The following ODAD3 variants were observed in gnomAD, a reference collection of about 807,000 sequenced individuals.
ODAD3 encodes outer dynein arm docking complex subunit 3.
Under a neutral mutation model 70.9 loss-of-function variants are expected in ODAD3, and 57 were observed. That is an observed-to-expected ratio of 0.80 (90% CI 0.65 to 1.00). The LOEUF (loss-of-function observed/expected upper bound fraction) is 1.00, where lower values mean the gene tolerates loss of function less well. ODAD3 is among the 50% of genes least tolerant of loss of function. ODAD3 has a pLI of 0.00. For synonymous variants in ODAD3, 327 were observed against 315.9 expected, an observed-to-expected ratio of 1.04 and a Z score of -0.37; for missense variants, 797 against 763.9, an observed-to-expected ratio of 1.04 and a Z score of -0.51.
intron 1 of ODAD3, 24 bp downstream of exon 1, chr19:11,434,749 C>G: frequency 1.3e-6 from 2 of 1,595,654 alleles, no homozygotes; most frequent in Non-Finnish European, 1.7e-6. Flanking sequence ...CCCTGACCCT[C>G]TGTACCCTCT....
intron 7 of ODAD3, among the ~76,000 whole-genome samples, chr19:11,425,646 T>G (rs1969348654): frequency 7.5e-6 from 1 of 133,602 alleles, no homozygotes; most frequent in Non-Finnish European, 1.5e-5. Flanking sequence ...TATATATGTA[T>G]ATACGTATAT....
chr19:11,424,126 A>C, intron 7 of ODAD3, 97 bp from the exon 8 acceptor site: 6 of 1,448,978 alleles, frequency 4.1e-6, no homozygotes, highest in Non-Finnish European at 4.7e-6. Flanking sequence ...CGCGAGGAAC[A>C]GGGCTCAAAC....
chr19:11,430,081 A>G (rs1969471863), intron 3 of ODAD3, among the ~76,000 whole-genome samples: 1 of 149,638 alleles, frequency 6.7e-6, no homozygotes, highest in Admixed American at 6.6e-5. Flanking sequence ...GCTTACTACA[A>G]CCTCTGCCTC....
rs1969255790 is a variant in ODAD3 at position 11,425,004 on chromosome 19, T to TAC, written c.964-976_964-975insGT. ...GTGTATATGTACATATGTGTATATG[T>TAC]ATATATGTGTATATATACATATGTG... On this transcript the variant is annotated intron_variant, in intron 7 of 12. Coordinates refer to ENST00000356392, the MANE Select transcript of ODAD3 (RefSeq NM_145045.5). Among the ~76,000 whole-genome samples the TAC allele has an allele frequency of 3.7e-4, 49 of 133,902 alleles. 2 individuals are homozygous for TAC. Among genetic ancestry groups the TAC allele is most frequent in the Non-Finnish European group, 6.0e-4 (39 of 65,398 alleles). 87.8% of individuals were successfully genotyped at this position (133,902 alleles called of 152,430 possible).
chr19:11,430,929 T>G lies in ODAD3; in HGVS notation c.336A>C (p.Ala112=). 1 of 1,614,066 alleles carries G rather than the reference T, an allele frequency of 6.2e-7. No homozygotes were observed. The highest frequency in any genetic ancestry group is 8.5e-7 in the Non-Finnish European group (1 of 1,180,016). ...TISQLRKETK[A]LELKLLDLLK... ...GCAGGTCCAGCAGCTTTAGTTCCAG[T>G]GCCTTAGTCTCCTTGCGGAGCTGAC... Residue 112 remains alanine, a synonymous_variant, in exon 2 of 13, where the codon GCA becomes GCC. Coordinates refer to ENST00000356392, the MANE Select transcript of ODAD3 (RefSeq NM_145045.5).
intron 8 of ODAD3, 31 bp downstream of exon 8, chr19:11,423,844 GGC>G: frequency 8.8e-7 from 1 of 1,134,084 alleles, no homozygotes; most frequent in Non-Finnish European, 1.3e-6. Flanking sequence ...GTGGGGGGGG[GGC>G]GCGGCGGAGA....
rs780554581 is a variant in ODAD3 at position 11,426,883 on chromosome 19, T to C, written c.602A>G (p.Glu201Gly). The C allele has an allele frequency of 6.2e-7, 1 of 1,609,156 alleles. No homozygotes were observed. Among genetic ancestry groups the C allele is most frequent in the Non-Finnish European group, 8.5e-7 (1 of 1,177,076 alleles). The change falls in exon 4 of 13, where the codon GAG (glutamate) becomes GGG (glycine). Residue 201 changes from glutamate (E) to glycine (G), a missense_variant. By Grantham distance (98) the Glu-to-Gly change is moderately conservative. Coordinates refer to ENST00000356392, the MANE Select transcript of ODAD3 (RefSeq NM_145045.5). ...CTCACCCGCCCCTACCTTGGCCACC[T>C]CCGTGTGTCTGTTTTGCGCCTCCGC... Reference protein sequence around the residue: ...EMAEAQNRHTEVAKTMRNLEN... With the variant: ...EMAEAQNRHTGVAKTMRNLEN...
At position 11,421,134 on chromosome 19, in the gene ODAD3, A is replaced by T; in HGVS notation, c.1669T>A (p.Phe557Ile). 1 of 1,613,112 alleles carries T rather than the reference A, an allele frequency of 6.2e-7. No homozygotes were observed. The highest frequency in any genetic ancestry group is 8.5e-7 in the Non-Finnish European group (1 of 1,179,742). ...TCCCCCCACCCATACTGACCAAAAA[A>T]CTTGTCCTTGGAAGTGGCAAGGGGC... is the stretch of plus-strand genomic sequence containing the variant. Reference protein sequence around the residue: ...ALPLATSKDKFFDEESEEEDN... With the variant: ...ALPLATSKDKIFDEESEEEDN... Residue 557 changes from phenylalanine (F) to isoleucine (I), a missense_variant, in exon 12 of 13, where the codon TTT becomes ATT. Transcript: ENST00000356392.
Position 11,420,941 on chromosome 19 carries a change from T to C in ODAD3, c.1682A>G (p.Glu561Gly). ...ATSKDKFFDE[E>G]SEEEDNEVVT... The stretch of plus-strand genomic sequence containing the variant: ...TACCTCGTTGTCCTCCTCCTCACTC[T>C]CTTCGTCTAAGGGGGGTGGGGGGAT... The change falls in exon 13 of 13, where the codon GAG becomes GGG. Residue 561 changes from glutamate (E) to glycine (G), a missense_variant. Physicochemically the swap from Glu to Gly is moderately conservative, Grantham distance 98. Coordinates refer to ENST00000356392, the MANE Select transcript of ODAD3 (RefSeq NM_145045.5). 6.4e-7 allele frequency: 1 copy of C among 1,564,558 alleles called. No homozygotes were observed. Among genetic ancestry groups the C allele is most frequent in the Non-Finnish European group, 8.8e-7 (1 of 1,135,174 alleles).
chr19:11,420,792 C>G lies in ODAD3; in HGVS notation c.*43G>C. On this transcript the variant is annotated 3_prime_UTR_variant, in exon 13 of 13. Coordinates refer to ENST00000356392, the MANE Select transcript of ODAD3 (RefSeq NM_145045.5). ...GGGCCTGCGCTAGACCCGGAGGGAT[C>G]GGGGGCTCCGAAGGGGGCCGCCTGG... The G allele has an allele frequency of 1.9e-6, 3 of 1,540,814 alleles. No individual in the cohort carries two copies. The highest frequency in any genetic ancestry group is 2.7e-6 in the Non-Finnish European group (3 of 1,114,158).
In ODAD3 at chr19:11,424,000, G is replaced by A. The variant is rs756919168; in HGVS notation, c.993C>T (p.Ser331=). Residue 331 remains serine (S), a synonymous_variant, in exon 8 of 13, where the codon TCC becomes TCT. Transcript: ENST00000356392. ...GCAGGCTGTCCTGGATGGTGTCGTC[G>A]GACTGTAGCAGCAGGTGCTCGCGGT... ...KTHREHLLLQ[S]DDTIQDSLHA... is the part of the protein sequence containing the mutation. 3 of 1,611,596 alleles carry A rather than the reference G, an allele frequency of 1.9e-6. No individual in the cohort carries two copies. Among genetic ancestry groups the A allele is most frequent in the South Asian group, 1.1e-5 (1 of 91,060 alleles).
In ODAD3 at chr19:11,431,042, C is replaced by T. The variant is rs371082525; in HGVS notation, c.245-22G>A. 4 of 1,613,704 alleles carry T rather than the reference C, an allele frequency of 2.5e-6. No homozygotes were observed. In the African/African-American group the frequency reaches 4.0e-5, roughly 16 times the overall value. ...CCCTCTGGCAGGCAGGTGAGGTGGACAGACACACAGTTACTGGGTGGGTGC... is the reference window on the plus strand; with the variant it reads ...CCCTCTGGCAGGCAGGTGAGGTGGATAGACACACAGTTACTGGGTGGGTGC... On this transcript the variant is annotated intron_variant, in intron 1 of 12. Coordinates refer to ENST00000356392, the MANE Select transcript of ODAD3 (RefSeq NM_145045.5).
At chr19:11,435,332 G>A, upstream of ODAD3, 1 of 626,530 alleles carries the variant, frequency 1.6e-6, no homozygotes, top group Non-Finnish European at 2.5e-6. Context: ...TTGGGGTCAC[G>A]TGCTCATTCC....
chr19:11,422,390 G>A lies in ODAD3; in HGVS notation c.1434+81C>T. On this transcript the variant is annotated intron_variant, in intron 10 of 12. Transcript: ENST00000356392. The surrounding 1 kb of genome is among the most constrained non-coding windows in gnomAD (Gnocchi z 4.6). ...AGGCCACGTTCCCTCGGGCAAGCTG[G>A]TGTGGCAGGAACCCCGCTTCGTGGC... 6.9e-7 allele frequency: 1 copy of A among 1,440,666 alleles called. No individual in the cohort carries two copies. Among genetic ancestry groups the A allele is most frequent in the Non-Finnish European group, 9.2e-7 (1 of 1,088,540 alleles). 89.2% of individuals were successfully genotyped at this position (1,440,666 alleles called of 1,614,324 possible). A position where few individuals can be genotyped will look rare whatever the true frequency, so the allele number is the denominator to read the frequency against.
At chr19:11,424,665 G>A in intron 7 of ODAD3, among the ~76,000 whole-genome samples, 1 of 77,022 alleles carries the variant, frequency 1.3e-5, no homozygotes, top group Non-Finnish European at 2.1e-5. Flanking sequence ...GTGTATATAT[G>A]TATATATGTG....
At chr19:11,423,465 C>G (rs552181570) in intron 8 of ODAD3, among the ~76,000 whole-genome samples, 4 of 152,276 alleles carry the variant, frequency 2.6e-5, no homozygotes, top group South Asian at 2.1e-4. Context: ...CAGTGAGGGA[C>G]CCGGCGCAGG....
rs557350380 is a variant in ODAD3 at position 11,426,532 on chromosome 19, C to T, written c.754G>A (p.Glu252Lys). The T allele has an allele frequency of 1.8e-5, 29 of 1,614,060 alleles. 1 individual carries two copies. The South Asian group carries it at 3.2e-4, about 18-fold the overall frequency. Residue 252 changes from glutamate to lysine, a missense_variant, in exon 6 of 13, where the codon GAG becomes AAG. Transcript: ENST00000356392. Reference protein sequence around the residue: ...LNLENRLDSMEAEVVRTKHEL... With the variant: ...LNLENRLDSMKAEVVRTKHEL... ...TGTTTGGTCCTCACCACCTCAGCCT[C>T]CATGGAGTCCAGCCGGTTCTCCAAG...
chr19:11,420,645 C>A lies in ODAD3; in HGVS notation c.*190G>T, dbSNP rs531057011. 5.0e-6 allele frequency: 3 copies of A among 601,186 alleles called. No homozygotes were observed. The highest frequency in any genetic ancestry group is 2.0e-5 in the South Asian group (1 of 50,202). 37.2% of individuals were successfully genotyped at this position (601,186 alleles called of 1,614,324 possible). A position where few individuals can be genotyped will look rare whatever the true frequency, so the allele number is the denominator to read the frequency against. On this transcript the variant is annotated 3_prime_UTR_variant, in exon 13 of 13. Coordinates refer to ENST00000356392, the MANE Select transcript of ODAD3 (RefSeq NM_145045.5). ...TTATTGCGCAACTCTGAGGCCGGGG[C>A]GGACCCAGCTGGGGAGATTTACTGT... is the stretch of plus-strand genomic sequence containing the variant.
intron 3 of ODAD3, among the ~76,000 whole-genome samples, chr19:11,427,300 GT>G (rs775694846): frequency 9.9e-4 from 140 of 141,598 alleles, no homozygotes; most frequent in East Asian, 3.0e-3. Flanking sequence ...TCTTTCTTTC[GT>G]TTTTTTTTTT....
Sources: gnomAD v4.1 joint callset for allele counts (sites outside exome capture counted in the v4.1 genomes callset) on GRCh38, gnomAD v4.1.1 for gene constraint, Gnocchi (gnomAD v3.1) non-coding constraint, MANE v1.5 for transcripts, NCBI Gene and HGNC (gene_info 2026-07-23, HGNC 2026-07-21) for gene names.